The following CR1 variants were observed in gnomAD, a reference collection of about 807,000 sequenced individuals.
CR1 encodes the protein complement receptor type 1.
CR1 carries 116 observed loss-of-function variants against 187.3 expected under a neutral mutation model. The ratio of observed to expected loss-of-function variants is 0.62; its 90% confidence interval spans 0.53 to 0.72. The LOEUF (loss-of-function observed/expected upper bound fraction) is 0.72. Among genes scored for constraint, CR1 ranks in the 30% least tolerant of loss-of-function variants. The pLI is 0.00. For synonymous variants in CR1, 576 were observed against 747.1 expected, an observed-to-expected ratio of 0.77 and a Z score of 3.73; for missense variants, 1,731 against 2,110.7, an observed-to-expected ratio of 0.82 and a Z score of 3.52.
intron 46 of CR1, among the ~76,000 whole-genome samples, chr1:207,633,834 TGA>T (rs1662725990): frequency 6.6e-6 from 1 of 152,196 alleles, no homozygotes; most frequent in South Asian, 2.1e-4. Flanking sequence ...GCAGGCGGGC[TGA>T]GTCTGAAAAG....
At position 207,523,820 on chromosome 1, in the gene CR1, A is replaced by G; in HGVS notation, c.697A>G (p.Ile233Val). The change falls in exon 5 of 47, where the codon ATT becomes GTT. Residue 233 changes from isoleucine to valine, a missense_variant. Physicochemically the swap from Ile to Val is conservative, Grantham distance 29 (BLOSUM62 3). Transcript: ENST00000367049. ...CTGGAGCGGCCCCGCCCCTCAGTGC[A>G]TTATACCTAACAAATGCACGCCTCC... ...GIWSGPAPQC[I>V]IPNKCTPPNV... 1.2e-6 allele frequency: 2 copies of G among 1,611,818 alleles called. No homozygotes were observed. Among genetic ancestry groups the G allele is most frequent in the South Asian group, 2.2e-5 (2 of 90,998 alleles).
chr1:207,565,670 T>C (rs553227271), intron 23 of CR1, among the ~76,000 whole-genome samples, 168 bp from the exon 24 acceptor site: 7 of 150,360 alleles, frequency 4.7e-5, no homozygotes, highest in East Asian at 1.9e-4. Flanking sequence ...TTCTATATTG[T>C]TCCCTTCTGG....
Position 207,587,444 on chromosome 1 carries a change from C to CTT in CR1, c.5591_5592dup (p.Glu1865LeufsTer9). 2 of 1,613,926 alleles carry CTT rather than the reference C, an allele frequency of 1.2e-6. No individual in the cohort carries two copies. Among genetic ancestry groups the CTT allele is most frequent in the Non-Finnish European group, 1.7e-6 (2 of 1,179,810 alleles). On this transcript the variant is annotated frameshift_variant, in exon 34 of 47. Coordinates refer to ENST00000367049, the MANE Select transcript of CR1 (RefSeq NM_000651.6). LOFTEE classifies it high-confidence loss of function. ...CCAGTCCTACGATCCCAATTAATGA[C>CTT]TTTGAGTTTCCAGTCGGGACATCTT...
At chr1:207,575,536 G>A (rs41274764) in intron 27 of CR1, 59 bp from the exon 28 acceptor site, 525 of 1,608,516 alleles carry the variant, frequency 3.3e-4, no homozygotes, top group Non-Finnish European at 4.1e-4. Flanking sequence ...ACATATGCAT[G>A]CTGTCAGGAA....
chr1:207,573,053 A>T (rs532374852), intron 27 of CR1, among the ~76,000 whole-genome samples: 1 of 152,146 alleles, frequency 6.6e-6, no homozygotes, highest in African/African-American at 2.4e-5. Context: ...TCACATCCAC[A>T]GGGACTGGAG....
At chr1:207,508,978 C>T (rs879906220) in intron 3 of CR1, among the ~76,000 whole-genome samples, 8 of 152,190 alleles carry the variant, frequency 5.3e-5, no homozygotes, top group Non-Finnish European at 1.2e-4. Context: ...TTGGTCTCTT[C>T]CAGGTGGCTA....
At position 207,614,397 on chromosome 1, in the gene CR1, T is replaced by G. The variant is rs759342713; in HGVS notation, c.6576-7T>G. 2 of 1,607,658 alleles carry G rather than the reference T, an allele frequency of 1.2e-6. No homozygotes were observed. The highest frequency in any genetic ancestry group is 1.7e-6 in the Non-Finnish European group (2 of 1,175,706). On this transcript the variant is annotated splice_region_variant and splice_polypyrimidine_tract_variant and intron_variant, in intron 39 of 46. Coordinates refer to ENST00000367049, the MANE Select transcript of CR1 (RefSeq NM_000651.6). The stretch of plus-strand genomic sequence containing the variant: ...CACACATTTGCTACCACTTTTTTTT[T>G]CTTTAGGTTCCGATTAAAAGGCAGG...
Position 207,624,997 on chromosome 1 carries a change from G to T in CR1, c.7352+1929G>T, listed in dbSNP as rs956656623. 1.3e-5 allele frequency among the ~76,000 whole-genome samples: 2 copies of T among 152,068 alleles called. 1 individual carries two copies. Among genetic ancestry groups the T allele is most frequent in the Non-Finnish European group, 2.9e-5 (2 of 68,006 alleles). ...TGATTATCTCCACCCTTCTAACTAT[G>T]TCATTCTTCATTACTTATGGTCCAT... On this transcript the variant is annotated intron_variant, in intron 45 of 46. Coordinates refer to ENST00000367049, the MANE Select transcript of CR1 (RefSeq NM_000651.6).
chr1:207,604,156 G>A (rs115228365), intron 35 of CR1, among the ~76,000 whole-genome samples: 3 of 152,262 alleles, frequency 2.0e-5, no homozygotes, highest in African/African-American at 7.2e-5. Flanking sequence ...TTATAAGGAA[G>A]CTAAACTTTT....
intron 39 of CR1, 132 bp from the exon 40 acceptor site, chr1:207,614,272 G>A (rs1662027839): frequency 3.0e-6 from 2 of 677,680 alleles, no homozygotes; most frequent in South Asian, 1.6e-5. Flanking sequence ...ACTTTTAGCT[G>A]GGCCTGAACC....
intron 4 of CR1, among the ~76,000 whole-genome samples, chr1:207,520,036 A>T (rs1452904271): frequency 6.6e-6 from 1 of 152,232 alleles, no homozygotes; most frequent in African/African-American, 2.4e-5. Flanking sequence ...CATATATTCT[A>T]TATTTCAAAG....
intron 46 of CR1, among the ~76,000 whole-genome samples, chr1:207,637,415 T>C (rs555294997): frequency 0.02 from 3,026 of 152,332 alleles, 58 homozygotes; most frequent in African/African-American, 0.068. Context: ...TCTGTATTTT[T>C]TGATCCTTTG....
At chr1:207,566,437 G>A (rs1660499222) in intron 24 of CR1, among the ~76,000 whole-genome samples, 1 of 149,996 alleles carries the variant, frequency 6.7e-6, no homozygotes, top group South Asian at 2.1e-4. Flanking sequence ...CATACTTTGT[G>A]CCTGATGTTC....
At chr1:207,565,992 T>G in intron 24 of CR1, 69 bp downstream of exon 24, 1 of 1,566,020 alleles carries the variant, frequency 6.4e-7, no homozygotes. Flanking sequence ...TCCTATGGCC[T>G]CCCTCAATGT....
rs1235639319 is a variant in CR1 at position 207,616,701 on chromosome 1, T to C, written c.6788T>C (p.Phe2263Ser). ...CDTHPDRGMT[F>S]NLIGESSIRC... ...ACCCACCCAGACAGAGGGATGACCT[T>C]CAACCTCATTGGGGAGAGCTCCATC... is the stretch of plus-strand genomic sequence containing the variant. Residue 2263 changes from phenylalanine (F) to serine (S), a missense_variant, in exon 41 of 47, where the codon TTC (phenylalanine) becomes TCC (serine). Phe to Ser is a radical substitution (Grantham distance 155). This residue lies in a region of CR1 where 1,312 missense variants were observed against 1,379.6 expected (regional missense o/e 0.95). Coordinates refer to ENST00000367049, the MANE Select transcript of CR1 (RefSeq NM_000651.6). 1.2e-6 allele frequency: 2 copies of C among 1,613,910 alleles called. No homozygotes were observed. Among genetic ancestry groups the C allele is most frequent in the East Asian group, 2.2e-5 (1 of 44,878 alleles).
At chr1:207,618,492 T>C (rs1413342259) in intron 42 of CR1, among the ~76,000 whole-genome samples, 2 of 152,312 alleles carry the variant, frequency 1.3e-5, no homozygotes, top group African/African-American at 4.8e-5. Context: ...ATTCTCAAAC[T>C]CCATTCCATG....
intron 3 of CR1, among the ~76,000 whole-genome samples, chr1:207,510,732 T>TCCTTCCTA (rs1439039842): frequency 6.6e-6 from 1 of 150,712 alleles, no homozygotes; most frequent in African/African-American, 2.5e-5. Context: ...TCCCCTTCCT[T>TCCTTCCTA]CCTTCCTTCC....
In CR1 at chr1:207,628,009, G is replaced by C. The variant is rs191383854; in HGVS notation, c.7353-2508G>C. ...TACTTCTCAAAGGTCTCACCTTTGA[G>C]ATCCTATAGTAATTAGATCCTATAA... On this transcript the variant is annotated intron_variant, in intron 45 of 46. Transcript: ENST00000367049. Among the ~76,000 whole-genome samples the C allele has an allele frequency of 3.3e-5, 5 of 152,220 alleles. No individual in the cohort carries two copies. The East Asian group carries it at 9.7e-4, about 29-fold the overall frequency.
intron 35 of CR1, among the ~76,000 whole-genome samples, chr1:207,606,892 G>C (rs971389432): frequency 6.6e-5 from 10 of 152,270 alleles, no homozygotes; most frequent in Admixed American, 1.3e-4. Flanking sequence ...ATTTCAGTAA[G>C]ATATTTTCCC....
Sources: allele counts gnomAD v4.1 joint callset (sites outside exome capture counted in the v4.1 genomes callset), GRCh38; gene constraint gnomAD v4.1.1; regional missense constraint gnomAD v4.1.1; transcripts MANE v1.5; gene names NCBI Gene and HGNC (gene_info 2026-07-23, HGNC 2026-07-21).